TNFAIP8L3: variants seen among roughly 807,000 people sequenced by gnomAD.
TNFAIP8L3 encodes TNF alpha induced protein 8 like 3, also known as tumor necrosis factor alpha-induced protein 8-like protein 3.
A neutral mutation model predicts 11.8 loss-of-function variants in TNFAIP8L3; 7 were observed. The ratio of observed to expected loss-of-function variants is 0.59; its 90% CI spans 0.34 to 1.11. TNFAIP8L3 has a LOEUF of 1.11. Ranked by LOEUF, TNFAIP8L3 falls within the 50% of genes most tolerant of loss-of-function variation. The pLI is 0.03. For synonymous variants in TNFAIP8L3, 98 were observed against 103.8 expected, an observed-to-expected ratio of 0.94 and a Z score of 0.34; for missense variants, 219 against 258.6, an observed-to-expected ratio of 0.85 and a Z score of 1.05.
At chr15:51,078,875 T>C (rs990826265) in intron 1 of TNFAIP8L3, among the ~76,000 whole-genome samples, 1 of 152,148 alleles carries the variant, frequency 6.6e-6, no homozygotes, top group African/African-American at 2.4e-5. Context: ...CCTCTGCCTC[T>C]CTTTCGCTAC....
chr15:51,082,182 G>A (rs143184810), intron 1 of TNFAIP8L3, among the ~76,000 whole-genome samples: 272 of 151,894 alleles, frequency 1.8e-3, no homozygotes, highest in African/African-American at 5.3e-3. Flanking sequence ...AACATCATAC[G>A]GTGTACTTAT....
At chr15:51,083,811 C>T (rs1027065489) in intron 1 of TNFAIP8L3, among the ~76,000 whole-genome samples, 1 of 152,180 alleles carries the variant, frequency 6.6e-6, no homozygotes, top group Non-Finnish European at 1.5e-5. Context: ...CTGGATCACC[C>T]CAGGCAGGGG....
intron 1 of TNFAIP8L3, among the ~76,000 whole-genome samples, chr15:51,075,049 A>C (rs897612726): frequency 1.3e-5 from 2 of 152,186 alleles, no homozygotes; most frequent in Non-Finnish European, 2.9e-5. Context: ...GTTACTCAGT[A>C]TATGTCTTGT....
At position 51,094,434 on chromosome 15, in the gene TNFAIP8L3, G is replaced by T; in HGVS notation, c.52+110C>A. ...ACGACGCGGAGCAATCCCCAGTCTT[G>T]GCCTGGAAGGGGTCGGGCTGCTGAG... On this transcript the variant is annotated intron_variant, in intron 1 of 1. Coordinates refer to ENST00000637513, the MANE Select transcript of TNFAIP8L3 (RefSeq NM_001311175.2). The surrounding 1 kb of genome is among the most constrained non-coding windows in gnomAD (Gnocchi z 4.4). 2 of 1,234,374 alleles carry T rather than the reference G, an allele frequency of 1.6e-6. No homozygotes were observed. Among genetic ancestry groups the T allele is most frequent in the South Asian group, 1.9e-5 (1 of 53,508 alleles). The allele number at this position is 1,234,374 out of a possible 1,614,324, so 76.5% of individuals were successfully genotyped here.
At chr15:51,077,759 G>A (rs2065363741) in intron 1 of TNFAIP8L3, among the ~76,000 whole-genome samples, 1 of 152,246 alleles carries the variant, frequency 6.6e-6, no homozygotes, top group Non-Finnish European at 1.5e-5. Flanking sequence ...CGCACTGGGG[G>A]AACAGGGGGC....
At chr15:51,092,789 C>A (rs2065481461) in intron 1 of TNFAIP8L3, among the ~76,000 whole-genome samples, 1 of 152,154 alleles carries the variant, frequency 6.6e-6, no homozygotes, top group South Asian at 2.1e-4. Context: ...CAGCAGAATT[C>A]TTTTCCTTCC....
intron 1 of TNFAIP8L3, among the ~76,000 whole-genome samples, chr15:51,071,057 A>G: frequency 6.7e-6 from 1 of 149,914 alleles, no homozygotes; most frequent in East Asian, 1.9e-4. Flanking sequence ...TCTCAAAAAA[A>G]AAAAAAAAAA....
At chr15:51,077,719 G>A (rs1215039741) in intron 1 of TNFAIP8L3, among the ~76,000 whole-genome samples, 1 of 152,192 alleles carries the variant, frequency 6.6e-6, no homozygotes, top group Non-Finnish European at 1.5e-5. Flanking sequence ...TCCCTTCCCC[G>A]ACAGCTTCTC....
chr15:51,079,521 C>A (rs79751744), intron 1 of TNFAIP8L3, among the ~76,000 whole-genome samples: 6,959 of 152,262 alleles, frequency 0.046, 524 homozygotes, highest in African/African-American at 0.16. Flanking sequence ...TGCATTCACA[C>A]TCATGTCAGG....
upstream of TNFAIP8L3, among the ~76,000 whole-genome samples, chr15:51,096,981 C>T (rs4304967): frequency 0.2 from 30,650 of 150,710 alleles, 3,553 homozygotes; most frequent in East Asian, 0.44. Context: ...TAGCTGGGAT[C>T]ATTTAAAAAG....
chr15:51,101,815 G>A (rs779416116), intron 1 of TNFAIP8L3, among the ~76,000 whole-genome samples: 8 of 150,594 alleles, frequency 5.3e-5, no homozygotes, highest in Non-Finnish European at 1.0e-4. Context: ...GCGTGATGGC[G>A]GGCGCCTGTA....
chr15:51,082,732 T>G (rs1457826685), intron 1 of TNFAIP8L3, among the ~76,000 whole-genome samples: 11 of 152,128 alleles, frequency 7.2e-5, no homozygotes, highest in Non-Finnish European at 1.6e-4. Context: ...TTTCTATTAA[T>G]TTTTTTCTTT....
chr15:51,103,286 C>A (rs1313783066), intron 1 of TNFAIP8L3, among the ~76,000 whole-genome samples: 13 of 152,212 alleles, frequency 8.5e-5, no homozygotes, highest in East Asian at 1.9e-4. Flanking sequence ...AGTAAGACAC[C>A]TGGGCCTCTC....
Position 51,074,730 on chromosome 15 carries a change from C to A in TNFAIP8L3, c.53-16287G>T, listed in dbSNP as rs1014793603. Among the ~76,000 whole-genome samples the A allele has an allele frequency of 3.3e-5, 5 of 152,224 alleles. No individual in the cohort carries two copies. In the East Asian group the frequency reaches 9.6e-4, roughly 29 times the overall value. The stretch of plus-strand genomic sequence containing the variant: ...AAGCCAGCTCTCCCTAAGGGTGCTG[C>A]CCTGGCTGCCAGCCATGCCCTGACT... On this transcript the variant is annotated intron_variant, in intron 1 of 1. Coordinates refer to ENST00000637513, the MANE Select transcript of TNFAIP8L3 (RefSeq NM_001311175.2).
chr15:51,085,830 G>A (rs1356998722), intron 1 of TNFAIP8L3, among the ~76,000 whole-genome samples: 1 of 152,014 alleles, frequency 6.6e-6, no homozygotes, highest in Non-Finnish European at 1.5e-5. Context: ...ATTGCTTTTG[G>A]ACCACCTTCT....
intron 1 of TNFAIP8L3, among the ~76,000 whole-genome samples, chr15:51,062,276 T>G (rs1567286251): frequency 7.6e-6 from 1 of 131,984 alleles, no homozygotes; most frequent in Non-Finnish European, 1.7e-5. Flanking sequence ...TCTGTCTCAA[T>G]AAAAATAAAA....
intron 1 of TNFAIP8L3, among the ~76,000 whole-genome samples, chr15:51,100,400 T>C (rs1168933450): frequency 6.6e-6 from 1 of 151,992 alleles, no homozygotes; most frequent in Non-Finnish European, 1.5e-5. Flanking sequence ...TTTTTTTTTT[T>C]AAAGACAACA....
intron 1 of TNFAIP8L3, among the ~76,000 whole-genome samples, chr15:51,077,003 T>A (rs188657062): frequency 3.9e-5 from 6 of 152,286 alleles, no homozygotes; most frequent in South Asian, 2.1e-4. Flanking sequence ...CCCCCCATTC[T>A]ACTCCCGCCA....
chr15:51,078,459 C>T (rs1595613014), intron 1 of TNFAIP8L3, among the ~76,000 whole-genome samples: 1 of 152,052 alleles, frequency 6.6e-6, no homozygotes, highest in African/African-American at 2.4e-5. Flanking sequence ...TCTGGCCCTC[C>T]TTAGCCTCCT....
Sources: gnomAD v4.1 joint callset for allele counts (sites outside exome capture counted in the v4.1 genomes callset) on GRCh38, gnomAD v4.1.1 for gene constraint, Gnocchi (gnomAD v3.1) non-coding constraint, MANE v1.5 for transcripts, NCBI Gene and HGNC (gene_info 2026-07-23, HGNC 2026-07-21) for gene names.